Variants in AFAP1L1 observed in about 807,000 individuals in gnomAD.
The protein encoded by AFAP1L1 is actin filament associated protein 1 like 1, also known as actin filament-associated protein 1-like 1.
A neutral mutation model predicts 99.8 loss-of-function variants in AFAP1L1; 77 were observed. That is an observed-to-expected ratio of 0.77 (90% confidence interval 0.64 to 0.93). The LOEUF (loss-of-function observed/expected upper bound fraction) is 0.93, where lower values mean the gene tolerates loss of function less well. AFAP1L1 is among the 40% of genes least tolerant of loss of function. AFAP1L1 has a pLI of 0.00. For synonymous variants in AFAP1L1, 373 were observed against 395.3 expected, an observed-to-expected ratio of 0.94 and a Z score of 0.67; for missense variants, 893 against 996.8, an observed-to-expected ratio of 0.90 and a Z score of 1.40.
At chr5:149,312,404 C>T (rs1756663998) in intron 9 of AFAP1L1, 200 bp downstream of exon 9, 1 of 645,234 alleles carries the variant, frequency 1.5e-6, no homozygotes, top group Non-Finnish European at 2.8e-6. Context: ...AGTGCTTATG[C>T]CCAAAGTGCA....
rs116274810 is a variant in AFAP1L1 at position 149,279,413 on chromosome 5, C to T, written c.16+7429C>T. 4.8e-3 allele frequency among the ~76,000 whole-genome samples: 724 copies of T among 152,354 alleles called. 6 individuals carry two copies. The highest frequency in any genetic ancestry group is 0.016 in the African/African-American group (681 of 41,580). ...CTACTCTCACGTAAAATTCAAGAAGCTTTCGCAGCTTGACCCTTTTGCACA... is the reference window on the plus strand; with the variant it reads ...CTACTCTCACGTAAAATTCAAGAAGTTTTCGCAGCTTGACCCTTTTGCACA... On this transcript the variant is annotated intron_variant, in intron 1 of 18. Coordinates refer to ENST00000296721, the MANE Select transcript of AFAP1L1 (RefSeq NM_152406.4).
At chr5:149,319,490 T>TA in intron 12 of AFAP1L1, 92 bp from the exon 13 acceptor site, 1 of 1,449,474 alleles carries the variant, frequency 6.9e-7, no homozygotes, top group Non-Finnish European at 9.3e-7. Context: ...AGTCAGTACT[T>TA]ACAAATATTT....
intron 8 of AFAP1L1, among the ~76,000 whole-genome samples, chr5:149,311,164 C>T (rs1756618270): frequency 6.6e-6 from 1 of 152,310 alleles, no homozygotes; most frequent in African/African-American, 2.4e-5. Flanking sequence ...AAACCAAACA[C>T]CTCCCTCTCT....
At chr5:149,327,322 C>G (rs1171700263) in intron 15 of AFAP1L1, among the ~76,000 whole-genome samples, 1 of 152,114 alleles carries the variant, frequency 6.6e-6, no homozygotes, top group African/African-American at 2.4e-5. Flanking sequence ...CCTGCTATAA[C>G]AAACTTCCAT....
chr5:149,291,037 C>T (rs892458798), intron 1 of AFAP1L1, among the ~76,000 whole-genome samples: 1 of 152,160 alleles, frequency 6.6e-6, no homozygotes, highest in Non-Finnish European at 1.5e-5. Flanking sequence ...TTGATGCTAC[C>T]ATGGCATAAA....
chr5:149,290,230 CA>C (rs1228239379), intron 1 of AFAP1L1, among the ~76,000 whole-genome samples: 1 of 152,058 alleles, frequency 6.6e-6, no homozygotes, highest in Non-Finnish European at 1.5e-5. Flanking sequence ...CTCTGTCCCC[CA>C]AAAATAAGAC....
At chr5:149,279,624 C>G (rs1027490709) in intron 1 of AFAP1L1, among the ~76,000 whole-genome samples, 2 of 152,108 alleles carry the variant, frequency 1.3e-5, no homozygotes, top group Non-Finnish European at 2.9e-5. Flanking sequence ...ATGCTTAAAC[C>G]CTTCAGTGGT....
intron 18 of AFAP1L1, among the ~76,000 whole-genome samples, chr5:149,338,604 T>C (rs1489062557): frequency 6.6e-6 from 1 of 152,226 alleles, no homozygotes; most frequent in Admixed American, 6.5e-5. Flanking sequence ...ACCTACCATA[T>C]GCCAGTCTTG....
intron 5 of AFAP1L1, among the ~76,000 whole-genome samples, chr5:149,303,693 C>G (rs1260184165): frequency 1.3e-5 from 2 of 152,156 alleles, no homozygotes; most frequent in Non-Finnish European, 2.9e-5. Context: ...CAAACACACA[C>G]ACACACATGC....
chr5:149,316,139 T>C lies in AFAP1L1; in HGVS notation c.1115-12T>C, dbSNP rs371675916. On this transcript the variant is annotated splice_polypyrimidine_tract_variant and intron_variant, in intron 10 of 18. Coordinates refer to ENST00000296721, the MANE Select transcript of AFAP1L1 (RefSeq NM_152406.4). ...GGGCTCCCTCCACTCCCCTGACCCATTTCCCCAACAGGCAAAGGGAAGAAG... is the reference window on the plus strand; with the variant it reads ...GGGCTCCCTCCACTCCCCTGACCCACTTCCCCAACAGGCAAAGGGAAGAAG... 26 of 1,611,362 alleles carry C rather than the reference T, an allele frequency of 1.6e-5. No individual in the cohort carries two copies. Among genetic ancestry groups the C allele is most frequent in the East Asian group, 2.2e-5 (1 of 44,806 alleles).
At chr5:149,287,549 T>C (rs915791781) in intron 1 of AFAP1L1, among the ~76,000 whole-genome samples, 6 of 152,024 alleles carry the variant, frequency 3.9e-5, no homozygotes, top group African/African-American at 1.4e-4. Context: ...AGGATTAGGA[T>C]TTTTGTCCAC....
At position 149,341,952 on chromosome 5, in the gene AFAP1L1, G is replaced by C. The variant is rs928604165; in HGVS notation, c.*1922G>C. 1.3e-5 allele frequency: 2 copies of C among 152,050 alleles called. No homozygotes were observed. The highest frequency in any genetic ancestry group is 4.8e-5 in the African/African-American group (2 of 41,378). The allele number at this position is 152,050 out of a possible 1,614,324, so 9.4% of individuals were successfully genotyped here. A position where few individuals can be genotyped will look rare whatever the true frequency, so the allele number is the denominator to read the frequency against. ...TACTCTTTCTTATGCAGTTATTTTGGGGTTAAGTGTCTTTTCTCACCAACA... is the reference window on the plus strand; with the variant it reads ...TACTCTTTCTTATGCAGTTATTTTGCGGTTAAGTGTCTTTTCTCACCAACA... On this transcript the variant is annotated 3_prime_UTR_variant, in exon 19 of 19. Coordinates refer to ENST00000296721, the MANE Select transcript of AFAP1L1 (RefSeq NM_152406.4).
intron 1 of AFAP1L1, among the ~76,000 whole-genome samples, chr5:149,293,320 AT>A (rs1561664718): frequency 6.6e-6 from 1 of 152,204 alleles, no homozygotes; most frequent in Non-Finnish European, 1.5e-5. Context: ...CAGCTAGAAA[AT>A]GACAGAGCTG....
intron 3 of AFAP1L1, 149 bp downstream of exon 3, chr5:149,300,503 C>A: frequency 3.2e-6 from 2 of 631,994 alleles, no homozygotes; most frequent in Non-Finnish European, 5.5e-6. Flanking sequence ...GTTCTGCCAG[C>A]TCTGAAAGTC....
intron 9 of AFAP1L1, among the ~76,000 whole-genome samples, chr5:149,315,258 A>G (rs1365892695): frequency 1.3e-5 from 2 of 152,006 alleles, no homozygotes; most frequent in Non-Finnish European, 2.9e-5. Flanking sequence ...CTCTCCTCCG[A>G]GTTAGGATCA....
intron 9 of AFAP1L1, 105 bp from the exon 10 acceptor site, chr5:149,315,716 A>C (rs1487343440): frequency 2.2e-6 from 2 of 902,298 alleles, no homozygotes; most frequent in Non-Finnish European, 3.6e-6. Flanking sequence ...TTGTTAGCTA[A>C]TTATCATGTG....
intron 4 of AFAP1L1, 72 bp from the exon 5 acceptor site, chr5:149,302,346 C>A: frequency 9.1e-7 from 1 of 1,095,652 alleles, no homozygotes; most frequent in Non-Finnish European, 1.3e-6. Flanking sequence ...CGAGCTCCTG[C>A]CTCCCTCTCC....
At chr5:149,335,473 G>T (rs1317857003) in intron 17 of AFAP1L1, 121 bp from the exon 18 acceptor site, 2 of 1,335,906 alleles carry the variant, frequency 1.5e-6, no homozygotes, top group Non-Finnish European at 2.0e-6. Context: ...GGGTGACAGA[G>T]ACTCTGTCTC....
chr5:149,318,000 A>G lies in AFAP1L1; in HGVS notation c.1479+60A>G. 3 of 1,523,868 alleles carry G rather than the reference A, an allele frequency of 2.0e-6. No homozygotes were observed. In the South Asian group the frequency reaches 3.7e-5, roughly 19 times the overall value. 94.4% of individuals were successfully genotyped at this position (1,523,868 alleles called of 1,614,324 possible). ...GTCTGGGGACTCTGGCCTGAGTGTC[A>G]TGTTTTTGTTTGGGGGAGCCCTTGC... On this transcript the variant is annotated intron_variant, in intron 12 of 18. Coordinates refer to ENST00000296721, the MANE Select transcript of AFAP1L1 (RefSeq NM_152406.4).
Sources: gnomAD v4.1 joint callset for allele counts (sites outside exome capture counted in the v4.1 genomes callset) on GRCh38, gnomAD v4.1.1 for gene constraint, MANE v1.5 for transcripts, NCBI Gene and HGNC (gene_info 2026-07-23, HGNC 2026-07-21) for gene names.